The following ELF2 variants were observed in gnomAD, a reference collection of about 807,000 sequenced individuals.
The protein encoded by ELF2 is ETS-related transcription factor Elf-2.
A neutral mutation model predicts 54.8 loss-of-function variants in ELF2; 11 were observed. That is an observed-to-expected ratio of 0.20 (90% CI 0.13 to 0.33). The LOEUF is 0.33. Among genes scored for constraint, ELF2 ranks in the 10% least tolerant of loss-of-function variants. ELF2 has a pLI of 1.00. For synonymous variants in ELF2, 203 were observed against 245.1 expected (o/e 0.83, Z 1.61); for missense variants, 513 against 703.0 (o/e 0.73, Z 3.06).
chr4:139,143,139 G>A (rs1028180576), intron 1 of ELF2, among the ~76,000 whole-genome samples: 1 of 152,160 alleles, frequency 6.6e-6, no homozygotes, highest in Non-Finnish European at 1.5e-5. Context: ...ACAATAAACT[G>A]TGGTTAATTT....
chr4:139,158,769 C>G (rs1175022953), intron 1 of ELF2, among the ~76,000 whole-genome samples: 1 of 152,142 alleles, frequency 6.6e-6, no homozygotes, highest in Non-Finnish European at 1.5e-5. Flanking sequence ...TAGAGAGTTT[C>G]CAAGGGAGTC....
At chr4:139,153,656 AG>A (rs904442923) in intron 1 of ELF2, among the ~76,000 whole-genome samples, 7 of 152,264 alleles carry the variant, frequency 4.6e-5, no homozygotes, top group South Asian at 4.2e-4. Context: ...TCTGGGCCCA[AG>A]ATCTTTACCC....
At chr4:139,072,365 T>G (rs1037192870) in intron 5 of ELF2, 1 of 230,222 alleles carries the variant, frequency 4.3e-6, no homozygotes, top group Admixed American at 5.8e-5. Flanking sequence ...TGAAAACATT[T>G]GAAAATAATA....
Position 139,057,965 on chromosome 4 carries a change from AGTTC to A in ELF2, c.*1014_*1017del, listed in dbSNP as rs1199088849. The A allele has an allele frequency of 1.3e-5, 2 of 152,662 alleles. No homozygotes were observed. Among genetic ancestry groups the A allele is most frequent in the Non-Finnish European group, 2.9e-5 (2 of 68,044 alleles). The allele number at this position is 152,662 out of a possible 1,614,324, so 9.5% of individuals were successfully genotyped here. On this transcript the variant is annotated 3_prime_UTR_variant, in exon 10 of 10. Coordinates refer to ENST00000686138, the MANE Select transcript of ELF2 (RefSeq NM_001331036.3). Reference sequence around the variant, plus strand: ...AAATGTTGAATATACAAACTATTATAGTTCAAAACTGAACACTGGTATTTCCCTC... The same window carrying A: ...AAATGTTGAATATACAAACTATTATAAAAACTGAACACTGGTATTTCCCTC...
chr4:139,071,121 A>G lies in ELF2; in HGVS notation c.526+745T>C, dbSNP rs538710886. Reference sequence around the variant, plus strand: ...GAGCAGAAATTTCAGCAGAAGTCAAATAGTAAGTGGAAATGCTCTTTACCC... The same window carrying G: ...GAGCAGAAATTTCAGCAGAAGTCAAGTAGTAAGTGGAAATGCTCTTTACCC... On this transcript the variant is annotated intron_variant, in intron 6 of 9. Transcript: ENST00000686138. Among the ~76,000 whole-genome samples the G allele has an allele frequency of 1.2e-4, 19 of 152,252 alleles. No homozygotes were observed. The South Asian group carries it at 3.9e-3, about 32-fold the overall frequency.
chr4:139,079,618 ATT>A (rs2148717893), intron 4 of ELF2, among the ~76,000 whole-genome samples: 1 of 151,822 alleles, frequency 6.6e-6, no homozygotes, highest in African/African-American at 2.4e-5. Flanking sequence ...TAGATGACAA[ATT>A]ATGATTCTAG....
chr4:139,145,937 T>C (rs1739181426), intron 1 of ELF2, among the ~76,000 whole-genome samples: 2 of 152,076 alleles, frequency 1.3e-5, no homozygotes, highest in Admixed American at 1.3e-4. Context: ...TGGGAAAAAG[T>C]TGCAAGCATT....
intron 6 of ELF2, 72 bp from the exon 7 acceptor site, chr4:139,067,842 C>A: frequency 7.2e-7 from 1 of 1,382,500 alleles, no homozygotes; most frequent in African/African-American, 1.4e-5. Flanking sequence ...AGCAGACTTT[C>A]TGATTACACA....
rs59282364 is a variant in ELF2 at position 139,114,642 on chromosome 4, CTTTTTT to C, written c.238+10516_238+10521del. On this transcript the variant is annotated intron_variant, in intron 4 of 9. Coordinates refer to ENST00000686138, the MANE Select transcript of ELF2 (RefSeq NM_001331036.3). Reference sequence around the variant, plus strand: ...ACTGACATGGATTTTTTTTTTCTTTCTTTTTTTTTTTTTTTTTTGCACCAAAGGCGT... The same window carrying C: ...ACTGACATGGATTTTTTTTTTCTTTCTTTTTTTTTTTTGCACCAAAGGCGT... Among the ~76,000 whole-genome samples, 3 of 104,848 alleles carry C rather than the reference CTTTTTT, an allele frequency of 2.9e-5. 1 individual carries two copies. The highest frequency in any genetic ancestry group is 5.8e-4 in the South Asian group (2 of 3,448). The allele number at this position is 104,848 out of a possible 152,430, so 68.8% of individuals were successfully genotyped here.
At chr4:139,170,716 C>CATTACATTAT (rs1742213195) in intron 1 of ELF2, among the ~76,000 whole-genome samples, 1 of 142,724 alleles carries the variant, frequency 7.0e-6, no homozygotes, top group South Asian at 2.1e-4. Flanking sequence ...TATTACATTA[C>CATTACATTAT]ATTATATTAT....
chr4:139,115,266 G>A (rs563586643), intron 4 of ELF2: 23,426 of 1,603,830 alleles, frequency 0.015, 274 homozygotes, highest in South Asian at 0.036. Context: ...CCTCTCCTGC[G>A]GTCCCGGGGG....
intron 3 of ELF2, among the ~76,000 whole-genome samples, chr4:139,128,872 C>T (rs1393253694): frequency 6.6e-6 from 1 of 152,038 alleles, no homozygotes; most frequent in Admixed American, 6.6e-5. Context: ...ATCTCTACTG[C>T]CTCCCCGCAG....
At chr4:139,148,651 T>C (rs903638119) in intron 1 of ELF2, among the ~76,000 whole-genome samples, 9 of 152,044 alleles carry the variant, frequency 5.9e-5, no homozygotes, top group African/African-American at 1.9e-4. Flanking sequence ...TTGAGATGTT[T>C]CTACTTTTTT....
In ELF2 at chr4:139,129,576, T is replaced by C. The variant is rs1028776622; in HGVS notation, c.73-4247A>G. On this transcript the variant is annotated intron_variant, in intron 3 of 9. Transcript: ENST00000686138. ...TCTGTCCCTGTTTCCCCATTCTGTG[T>C]TCTTTAAATCTTGGTTTCTTCATAT... is the stretch of plus-strand genomic sequence containing the variant. Among the ~76,000 whole-genome samples the C allele has an allele frequency of 2.6e-5, 4 of 152,202 alleles. No individual in the cohort carries two copies. The South Asian group carries it at 8.3e-4, about 32-fold the overall frequency.
chr4:139,134,914 T>C (rs952100235), intron 3 of ELF2, among the ~76,000 whole-genome samples: 14 of 151,880 alleles, frequency 9.2e-5, no homozygotes, highest in Admixed American at 6.6e-4. Context: ...AATTTTTAAA[T>C]ATATGACTAC....
At chr4:139,151,045 A>AAAGAAAGAAAGG (rs1739884083) in intron 1 of ELF2, among the ~76,000 whole-genome samples, 3 of 79,124 alleles carry the variant, frequency 3.8e-5, no homozygotes, top group African/African-American at 1.1e-4. Context: ...AGAAAGAAAG[A>AAAGAAAGAAAGG]AAGAAAGAAA....
At position 139,177,029 on chromosome 4, in the gene ELF2, T is replaced by C. The variant is rs1466456460; in HGVS notation, c.-314A>G. The C allele has an allele frequency of 6.6e-6, 1 of 152,282 alleles. No individual in the cohort carries two copies. Among genetic ancestry groups the C allele is most frequent in the African/African-American group, 2.4e-5 (1 of 41,404 alleles). The allele number at this position is 152,282 out of a possible 1,614,324, so 9.4% of individuals were successfully genotyped here. On this transcript the variant is annotated 5_prime_UTR_variant, in exon 1 of 10. Coordinates refer to ENST00000686138, the MANE Select transcript of ELF2 (RefSeq NM_001331036.3). The stretch of plus-strand genomic sequence containing the variant: ...TTTCCCTCTCAGCAGGGCCGCGGAC[T>C]AGCCGCCGCCGTTGGCCGAGCGTCC...
intron 1 of ELF2, among the ~76,000 whole-genome samples, chr4:139,172,405 C>T (rs1355558381): frequency 6.6e-6 from 1 of 152,188 alleles, no homozygotes; most frequent in Non-Finnish European, 1.5e-5. Context: ...CCATGCCCCT[C>T]TGCCTCGGCC....
At chr4:139,102,447 G>A (rs1733986631) in intron 4 of ELF2, 1 of 152,022 alleles carries the variant, frequency 6.6e-6, no homozygotes, top group Non-Finnish European at 1.5e-5. Context: ...GGCTGAGGCA[G>A]GAGAATTGTT....
Sources: gnomAD v4.1 joint callset for allele counts (sites outside exome capture counted in the v4.1 genomes callset) on GRCh38, gnomAD v4.1.1 for gene constraint, MANE v1.5 for transcripts, NCBI Gene and HGNC (gene_info 2026-07-23, HGNC 2026-07-21) for gene names.